The following CDK13 variants were observed in gnomAD, a reference collection of about 807,000 sequenced individuals.
The protein encoded by CDK13 is cyclin dependent kinase 13.
A neutral mutation model predicts 137.6 loss-of-function variants in CDK13; 40 were observed. The observed-to-expected ratio is 0.29, with a 90% CI of 0.23 to 0.38. The LOEUF (loss-of-function observed/expected upper bound fraction) is 0.38, where lower values mean the gene tolerates loss of function less well. CDK13 is among the 10% of genes least tolerant of loss of function. CDK13 has a pLI of 1.00. For missense variants in CDK13, 1,704 were observed against 1,951.8 expected (o/e 0.87, Z 2.39); for synonymous variants, 869 against 760.1 (o/e 1.14, Z -2.36).
intron 1 of CDK13, among the ~76,000 whole-genome samples, chr7:39,981,116 G>C (rs914665943): frequency 2.6e-5 from 4 of 152,150 alleles, no homozygotes; most frequent in Non-Finnish European, 4.4e-5. Context: ...AGTGGCTCAT[G>C]CCTGTAACCC....
intron 5 of CDK13, among the ~76,000 whole-genome samples, chr7:40,030,056 A>C (rs938885766): frequency 2.0e-5 from 3 of 152,068 alleles, no homozygotes; most frequent in Non-Finnish European, 4.4e-5. Flanking sequence ...TTTTGCTCTG[A>C]TTCTTTCTAA....
At position 39,981,958 on chromosome 7, in the gene CDK13, ATT is replaced by A. The variant is rs11359193; in HGVS notation, c.1212-5629_1212-5628del. On this transcript the variant is annotated intron_variant, in intron 1 of 13. Transcript: ENST00000181839. ...AGGCGCCCGCCACTACGCCCGGCTA[ATT>A]TTTTTTTTTTTCACTATTGTGTATT... is the stretch of plus-strand genomic sequence containing the variant. Among the ~76,000 whole-genome samples, 27 of 140,276 alleles carry A rather than the reference ATT, an allele frequency of 1.9e-4. No homozygotes were observed. The East Asian group carries it at 2.9e-3, about 15-fold the overall frequency. 92.0% of individuals were successfully genotyped at this position (140,276 alleles called of 152,430 possible).
At chr7:39,997,369 A>G (rs1268593442) in intron 2 of CDK13, 125 bp from the exon 3 acceptor site, 5 of 764,414 alleles carry the variant, frequency 6.5e-6, no homozygotes, top group African/African-American at 3.6e-5. Context: ...AACTTGGACA[A>G]TAGTCTTATA....
chr7:40,054,848 TTC>T (rs1305705452), intron 7 of CDK13, among the ~76,000 whole-genome samples: 6 of 152,222 alleles, frequency 3.9e-5, no homozygotes, highest in African/African-American at 1.4e-4. Context: ...AGTGTCTGCC[TTC>T]TTTTAAAAAA....
intron 1 of CDK13, among the ~76,000 whole-genome samples, chr7:39,981,435 C>A (rs1784221649): frequency 6.6e-6 from 1 of 151,762 alleles, no homozygotes; most frequent in South Asian, 2.1e-4. Context: ...CATTTCAGTT[C>A]TTTTAGTAAA....
At chr7:40,022,630 T>C (rs1027253321) in intron 5 of CDK13, among the ~76,000 whole-genome samples, 1 of 151,016 alleles carries the variant, frequency 6.6e-6, no homozygotes, top group Admixed American at 6.6e-5. Flanking sequence ...GGGGTGGGGT[T>C]AGGGGAATAG....
chr7:40,043,998 G>A (rs538560105), intron 5 of CDK13, among the ~76,000 whole-genome samples: 2 of 150,842 alleles, frequency 1.3e-5, no homozygotes, highest in Non-Finnish European at 2.9e-5. Flanking sequence ...CCTGGTTCAA[G>A]TGATTCTTCT....
intron 5 of CDK13, among the ~76,000 whole-genome samples, chr7:40,002,915 A>G (rs1263303039): frequency 6.7e-6 from 1 of 148,818 alleles, no homozygotes; most frequent in East Asian, 1.9e-4. Flanking sequence ...AAAAAAAAAA[A>G]AAACAACCAG....
chr7:40,048,172 ATTC>A (rs1308044781), intron 7 of CDK13: 1 of 229,926 alleles, frequency 4.3e-6, no homozygotes, highest in African/African-American at 2.3e-5. Context: ...GATATTAAAT[ATTC>A]TTAATGAAAA....
intron 5 of CDK13, among the ~76,000 whole-genome samples, chr7:40,007,467 C>CATA: frequency 6.6e-6 from 1 of 152,222 alleles, no homozygotes; most frequent in African/African-American, 2.4e-5. Flanking sequence ...CGCTCTGTCA[C>CATA]CCAGGCTGGA....
intron 9 of CDK13, chr7:40,069,736 T>C (rs1786368736): frequency 6.5e-6 from 1 of 153,110 alleles, no homozygotes; most frequent in Admixed American, 6.5e-5. Flanking sequence ...TTCCAGAAAG[T>C]ATTTTAGGCA....
At position 39,965,611 on chromosome 7, in the gene CDK13, A is replaced by G. The variant is rs1434048127; in HGVS notation, c.1211+13759A>G. 2.6e-5 allele frequency among the ~76,000 whole-genome samples: 4 copies of G among 152,108 alleles called. No individual in the cohort carries two copies. In the East Asian group the frequency reaches 7.7e-4, roughly 29 times the overall value. On this transcript the variant is annotated intron_variant, in intron 1 of 13. Coordinates refer to ENST00000181839, the MANE Select transcript of CDK13 (RefSeq NM_003718.5). ...GTCTTTTAATTGGAGCATTTAGCCC[A>G]TTTACATTTAAGGTTATTATTGTTG...
At chr7:40,077,269 T>C (rs1243744527) in intron 9 of CDK13, among the ~76,000 whole-genome samples, 5 of 152,188 alleles carry the variant, frequency 3.3e-5, no homozygotes, top group African/African-American at 1.2e-4. Flanking sequence ...TGAGGTCATA[T>C]AGAAATCCGT....
intron 1 of CDK13, chr7:39,984,408 C>CA (rs1359399147): frequency 0.012 from 1,183 of 96,210 alleles, 8 homozygotes; most frequent in Non-Finnish European, 0.014. Context: ...GACCCTGTTT[C>CA]AAAAAAAAAA....
At chr7:40,076,878 T>C (rs1786556221) in intron 9 of CDK13, among the ~76,000 whole-genome samples, 1 of 152,194 alleles carries the variant, frequency 6.6e-6, no homozygotes, top group South Asian at 2.1e-4. Context: ...ACGTTTTCTT[T>C]TTACATATGC....
chr7:40,001,910 C>T lies in CDK13; in HGVS notation c.2232C>T (p.Gly744=), dbSNP rs1292448921. ...TACGTCTGGATAATGAAAAGGAAGGCTTTCCAATTACAGCAATTCGAGAAA... is the reference window on the plus strand; with the variant it reads ...TACGTCTGGATAATGAAAAGGAAGGTTTTCCAATTACAGCAATTCGAGAAA... ...KKVRLDNEKE[G]FPITAIREIK... The change falls in exon 5 of 14, where the codon GGC becomes GGT. Residue 744 remains glycine, a synonymous_variant. Transcript: ENST00000181839. The T allele has an allele frequency of 6.2e-6, 10 of 1,610,900 alleles. No individual in the cohort carries two copies. The highest frequency in any genetic ancestry group is 8.5e-6 in the Non-Finnish European group (10 of 1,177,450).
In CDK13 at chr7:40,097,662, G is replaced by A. The variant is rs567822582; in HGVS notation, c.*2682G>A. On this transcript the variant is annotated 3_prime_UTR_variant, in exon 14 of 14. Transcript: ENST00000181839. The stretch of plus-strand genomic sequence containing the variant: ...ATATAAAAGATTTGACCTGCCAAAA[G>A]AAGAAAGTATTTATCTTCTCCCACG... The A allele has an allele frequency of 6.6e-6, 1 of 152,204 alleles. No individual in the cohort carries two copies. Among genetic ancestry groups the A allele is most frequent in the Non-Finnish European group, 1.5e-5 (1 of 67,954 alleles). The allele number at this position is 152,204 out of a possible 1,614,324, so 9.4% of individuals were successfully genotyped here. A position where few individuals can be genotyped will look rare whatever the true frequency, so the allele number is the denominator to read the frequency against.
At chr7:40,042,271 G>C (rs902902846) in intron 5 of CDK13, among the ~76,000 whole-genome samples, 9 of 151,642 alleles carry the variant, frequency 5.9e-5, no homozygotes, top group Non-Finnish European at 1.0e-4. Context: ...AGTAGAGACG[G>C]GGTTTCACCA....
chr7:40,018,757 A>C (rs1047864407), intron 5 of CDK13, among the ~76,000 whole-genome samples: 5 of 152,064 alleles, frequency 3.3e-5, no homozygotes, highest in Non-Finnish European at 7.4e-5. Flanking sequence ...AGACTCAGAA[A>C]GGGGGAGAGT....
Sources: gnomAD v4.1 joint callset for allele counts (sites outside exome capture counted in the v4.1 genomes callset) on GRCh38, gnomAD v4.1.1 for gene constraint, MANE v1.5 for transcripts, NCBI Gene and HGNC (gene_info 2026-07-23, HGNC 2026-07-21) for gene names.